The following ST7L variants were observed in gnomAD, a reference collection of about 807,000 sequenced individuals.
The protein encoded by ST7L is suppression of tumorigenicity 7 like, also known as suppressor of tumorigenicity 7 protein-like.
Under a neutral mutation model 72.5 loss-of-function variants are expected in ST7L, and 57 were observed. The ratio of observed to expected loss-of-function variants is 0.79; its 90% confidence interval spans 0.64 to 0.98. The LOEUF is 0.98. Among genes scored for constraint, ST7L ranks in the 50% least tolerant of loss-of-function variants. The pLI, the probability that ST7L is intolerant of heterozygous loss-of-function variation, is 0.00. For synonymous variants in ST7L, 221 were observed against 240.9 expected (o/e 0.92, Z 0.77); for missense variants, 576 against 672.2 (o/e 0.86, Z 1.58).
chr1:112,537,596 C>T (rs1240536581), intron 14 of ST7L, among the ~76,000 whole-genome samples: 1 of 152,222 alleles, frequency 6.6e-6, no homozygotes, highest in East Asian at 1.9e-4. Context: ...TTGCTGGCTA[C>T]CCTTACTTTG....
downstream of ST7L, chr1:112,520,445 G>C: frequency 6.2e-7 from 1 of 1,614,182 alleles, no homozygotes; most frequent in African/African-American, 1.3e-5. Context: ...AAGGAATGCA[G>C]AAATACTGTG....
At chr1:112,619,537 C>A (rs1009956629), upstream of ST7L, 4 of 522,404 alleles carry the variant, frequency 7.7e-6, no homozygotes, top group South Asian at 1.1e-4. Context: ...GCTATTTGGT[C>A]GGATGGAGGC....
chr1:112,612,372 A>G (rs1669204365), intron 2 of ST7L, among the ~76,000 whole-genome samples: 1 of 152,182 alleles, frequency 6.6e-6, no homozygotes, highest in South Asian at 2.1e-4. Context: ...TGCTAGGATT[A>G]TGGGTGTAAG....
Position 112,576,981 on chromosome 1 carries a change from C to A in ST7L, c.1245+5G>T. The A allele has an allele frequency of 6.3e-7, 1 of 1,580,782 alleles. No individual in the cohort carries two copies. Among genetic ancestry groups the A allele is most frequent in the Non-Finnish European group, 8.6e-7 (1 of 1,161,412 alleles). On this transcript the variant is annotated splice_donor_5th_base_variant and intron_variant, in intron 11 of 14. Coordinates refer to ENST00000358039, the MANE Select transcript of ST7L (RefSeq NM_017744.5). ...AGGTAGTATTTTTATCATAAAATTT[C>A]TCACTTTTGGAACATGAGGATTAAA...
chr1:112,605,693 A>G (rs1403652845), intron 3 of ST7L, among the ~76,000 whole-genome samples: 1 of 152,042 alleles, frequency 6.6e-6, no homozygotes, highest in East Asian at 1.9e-4. Flanking sequence ...CTGTCTCAAA[A>G]AAAAAAAAGA....
At chr1:112,553,860 T>C (rs1163242483) in intron 12 of ST7L, among the ~76,000 whole-genome samples, 1 of 152,310 alleles carries the variant, frequency 6.6e-6, no homozygotes, top group South Asian at 2.1e-4. Context: ...ATCTGACAGA[T>C]GTTGAATTAT....
intron 13 of ST7L, among the ~76,000 whole-genome samples, chr1:112,543,321 G>A (rs12403868): frequency 5.3e-5 from 8 of 151,856 alleles, no homozygotes; most frequent in South Asian, 4.2e-4. Context: ...AGGCTAAGTC[G>A]GGTGGATCAC....
chr1:112,562,512 T>C (rs1388383498), intron 11 of ST7L, among the ~76,000 whole-genome samples: 1 of 152,112 alleles, frequency 6.6e-6, no homozygotes, highest in Non-Finnish European at 1.5e-5. Context: ...CGTTATCTCT[T>C]CTTGGGAAAA....
rs751024109 is a variant in ST7L, at chr1:112,597,993, A to G, written c.600T>C (p.Asp200=). 7.4e-6 allele frequency: 12 copies of G among 1,613,548 alleles called. No individual in the cohort carries two copies. In the South Asian group the frequency reaches 8.8e-5, roughly 12 times the overall value. Residue 200 remains aspartate (D), a synonymous_variant, in exon 5 of 15, where the codon GAT becomes GAC. Transcript: ENST00000358039. ...DHQTFFTCDT[D]FLRPSDTVMQ... ...TACCTGTGTCTGAAGGACGTAAAAAATCTGTGTCACAGGTGAAAAAGGTCT... is the reference window on the plus strand; with the variant it reads ...TACCTGTGTCTGAAGGACGTAAAAAGTCTGTGTCACAGGTGAAAAAGGTCT...
chr1:112,555,356 G>A (rs1658932611), intron 12 of ST7L, among the ~76,000 whole-genome samples: 1 of 152,094 alleles, frequency 6.6e-6, no homozygotes, highest in South Asian at 2.1e-4. Flanking sequence ...ACGAGATCAG[G>A]AGATCGAGAC....
downstream of ST7L, chr1:112,520,676 G>C: frequency 2.8e-6 from 2 of 711,396 alleles, no homozygotes; most frequent in South Asian, 3.8e-5. Context: ...TGGTTCCTTA[G>C]CCCTGGGAAG....
intron 13 of ST7L, among the ~76,000 whole-genome samples, chr1:112,550,396 T>C (rs185199792): frequency 2.0e-5 from 3 of 152,306 alleles, no homozygotes; most frequent in Non-Finnish European, 4.4e-5. Flanking sequence ...AATCTTGGTG[T>C]CCTTTGTTGC....
intron 1 of ST7L, chr1:112,617,900 A>G: frequency 1.9e-5 from 17 of 908,050 alleles, no homozygotes; most frequent in Non-Finnish European, 2.6e-5. Context: ...CCTGTTACAG[A>G]GATGCCAAAT....
At chr1:112,599,073 A>AAATAT (rs1190968815) in intron 4 of ST7L, among the ~76,000 whole-genome samples, 7 of 56,994 alleles carry the variant, frequency 1.2e-4, no homozygotes, top group African/African-American at 3.4e-4. Context: ...AAAAAAAAAA[A>AAATAT]ATATATATAT....
At chr1:112,584,958 T>C (rs941933402) in intron 6 of ST7L, among the ~76,000 whole-genome samples, 14 of 152,192 alleles carry the variant, frequency 9.2e-5, no homozygotes, top group Non-Finnish European at 1.8e-4. Flanking sequence ...AGTACTCCCC[T>C]CTGCATGCTG....
At chr1:112,612,257 C>A (rs1484987406) in intron 2 of ST7L, among the ~76,000 whole-genome samples, 1 of 151,918 alleles carries the variant, frequency 6.6e-6, no homozygotes, top group East Asian at 1.9e-4. Context: ...GCCACCATGC[C>A]CAGCTAATTT....
intron 3 of ST7L, among the ~76,000 whole-genome samples, chr1:112,609,364 C>G (rs1668720839): frequency 6.6e-6 from 1 of 151,808 alleles, no homozygotes; most frequent in African/African-American, 2.4e-5. Context: ...AAACCCATCT[C>G]TACTAAAAAT....
At chr1:112,581,084 T>A (rs988365270) in intron 9 of ST7L, among the ~76,000 whole-genome samples, 3 of 152,236 alleles carry the variant, frequency 2.0e-5, no homozygotes, top group Non-Finnish European at 4.4e-5. Context: ...ATTCAGTTAA[T>A]TGGAGACAGT....
intron 14 of ST7L, among the ~76,000 whole-genome samples, chr1:112,534,572 G>A (rs2101254907): frequency 6.6e-6 from 1 of 152,250 alleles, no homozygotes; most frequent in South Asian, 2.1e-4. Context: ...TAGTTCATTT[G>A]ATTGGTAGGG....
Sources: gnomAD v4.1 joint callset for allele counts (sites outside exome capture counted in the v4.1 genomes callset) on GRCh38, gnomAD v4.1.1 for gene constraint, MANE v1.5 for transcripts, NCBI Gene and HGNC (gene_info 2026-07-23, HGNC 2026-07-21) for gene names.